Variants in FSD1L observed in about 807,000 individuals in gnomAD.
FSD1L encodes the protein FSD1-like protein.
FSD1L carries 45 observed loss-of-function variants against 71.6 expected under a neutral mutation model. That is an observed-to-expected ratio of 0.63 (90% confidence interval 0.49 to 0.81). FSD1L has a LOEUF of 0.81. Among genes scored for constraint, FSD1L ranks in the 30% least tolerant of loss-of-function variants. FSD1L has a pLI of 0.00. For missense variants in FSD1L, 561 were observed against 618.1 expected, an observed-to-expected ratio of 0.91 and a Z score of 0.98; for synonymous variants, 197 against 207.2, an observed-to-expected ratio of 0.95 and a Z score of 0.42.
In FSD1L at chr9:105,549,812, A is replaced by G. The variant is rs941496526; in HGVS notation, c.*3329A>G. 1 of 151,996 alleles carries G rather than the reference A, an allele frequency of 6.6e-6. No homozygotes were observed. The allele number at this position is 151,996 out of a possible 1,614,324, so 9.4% of individuals were successfully genotyped here. ...AACTTATGTAGAATGATTTTTATCTATATACTTTGTCCATAAAATTATAAT... is the reference window on the plus strand; with the variant it reads ...AACTTATGTAGAATGATTTTTATCTGTATACTTTGTCCATAAAATTATAAT... On this transcript the variant is annotated 3_prime_UTR_variant, in exon 14 of 14. Coordinates refer to ENST00000481272, the MANE Select transcript of FSD1L (RefSeq NM_001145313.3).
rs569502199 is a variant in FSD1L at position 105,540,605 on chromosome 9, C to G, written c.1467+1254C>G. Among the ~76,000 whole-genome samples, 373 of 152,218 alleles carry G rather than the reference C, an allele frequency of 2.5e-3. 1 individual carries two copies. Among genetic ancestry groups the G allele is most frequent in the African/African-American group, 8.7e-3 (360 of 41,552 alleles). ...GATGTGTTTGGTATGAAGTAAGGAT[C>G]TAGATACGTTCTTTAATTCCCCATG... On this transcript the variant is annotated intron_variant, in intron 13 of 13. Transcript: ENST00000481272.
At chr9:105,520,207 G>A in intron 10 of FSD1L, 3 of 1,611,156 alleles carry the variant, frequency 1.9e-6, no homozygotes, top group South Asian at 1.1e-5. Context: ...GCACTGACTC[G>A]CCTCAAGCAC....
chr9:105,456,991 A>G (rs1282825722), intron 1 of FSD1L, among the ~76,000 whole-genome samples: 1 of 152,178 alleles, frequency 6.6e-6, no homozygotes, highest in Non-Finnish European at 1.5e-5. Context: ...AAAATCTGAG[A>G]CCTTCGTAGG....
At chr9:105,531,067 T>G (rs927982919) in intron 10 of FSD1L, 1 of 152,468 alleles carries the variant, frequency 6.6e-6, no homozygotes, top group Admixed American at 6.5e-5. Context: ...ATCACCCTTT[T>G]AATCCCTACT....
intron 3 of FSD1L, among the ~76,000 whole-genome samples, chr9:105,465,263 G>A (rs1830981472): frequency 6.6e-6 from 1 of 152,194 alleles, no homozygotes; most frequent in Non-Finnish European, 1.5e-5. Context: ...TGAATCCACA[G>A]TGAAGTCTCC....
intron 10 of FSD1L, chr9:105,521,251 C>T (rs1835133855): frequency 6.2e-7 from 1 of 1,614,138 alleles, no homozygotes; most frequent in Admixed American, 1.7e-5. Context: ...GAAGTCTTGC[C>T]AAAGAATATT....
intron 7 of FSD1L, among the ~76,000 whole-genome samples, chr9:105,495,081 C>T (rs967280841): frequency 7.9e-5 from 12 of 152,174 alleles, no homozygotes; most frequent in East Asian, 5.8e-4. Flanking sequence ...TCTTTTTGTT[C>T]GTCTGTGCCC....
intron 5 of FSD1L, chr9:105,472,622 C>T (rs1297291222): frequency 2.0e-5 from 3 of 152,016 alleles, no homozygotes; most frequent in African/African-American, 7.2e-5. Context: ...GTGTAGTTAT[C>T]AAGATAAAAT....
Position 105,481,084 on chromosome 9 carries a change from C to A in FSD1L, c.464+1708C>A, listed in dbSNP as rs184143722. The stretch of plus-strand genomic sequence containing the variant: ...TTTTTTGCGTCTTCTAAGCCAGCCT[C>A]TTGGCTTGATTTCATAAGTATCCAG... On this transcript the variant is annotated intron_variant, in intron 6 of 13. Coordinates refer to ENST00000481272, the MANE Select transcript of FSD1L (RefSeq NM_001145313.3). Among the ~76,000 whole-genome samples, 413 of 145,332 alleles carry A rather than the reference C, an allele frequency of 2.8e-3. 1 individual carries two copies. The highest frequency in any genetic ancestry group is 9.9e-3 in the African/African-American group (384 of 38,920).
At chr9:105,480,517 C>CCTAA (rs540732426) in intron 6 of FSD1L, among the ~76,000 whole-genome samples, 39 of 152,290 alleles carry the variant, frequency 2.6e-4, no homozygotes, top group Non-Finnish European at 3.1e-4. Context: ...GTCTGGAATG[C>CCTAA]CTAAGCTCAA....
intron 10 of FSD1L, chr9:105,525,678 T>A: frequency 6.2e-7 from 1 of 1,608,960 alleles, no homozygotes; most frequent in Non-Finnish European, 8.5e-7. Context: ...CACACAAGAT[T>A]GCAGTATTTT....
At chr9:105,461,362 A>G (rs1327736025) in intron 1 of FSD1L, among the ~76,000 whole-genome samples, 158 bp from the exon 2 acceptor site, 2 of 152,222 alleles carry the variant, frequency 1.3e-5, no homozygotes, top group Non-Finnish European at 2.9e-5. Flanking sequence ...CGTACCAAAA[A>G]AAAAGAAAAA....
intron 10 of FSD1L, chr9:105,522,037 A>G (rs992972973): frequency 2.3e-5 from 37 of 1,612,994 alleles, no homozygotes; most frequent in Non-Finnish European, 3.1e-5. Flanking sequence ...TCTGTACTGA[A>G]GATGCCATCA....
chr9:105,548,172 T>C lies in FSD1L; in HGVS notation c.*1689T>C, dbSNP rs1837114361. 6.6e-6 allele frequency: 1 copy of C among 152,240 alleles called. No homozygotes were observed. The highest frequency in any genetic ancestry group is 1.9e-4 in the East Asian group (1 of 5,184). The allele number at this position is 152,240 out of a possible 1,614,324, so 9.4% of individuals were successfully genotyped here. A position where few individuals can be genotyped will look rare whatever the true frequency, so the allele number is the denominator to read the frequency against. On this transcript the variant is annotated 3_prime_UTR_variant, in exon 14 of 14. Coordinates refer to ENST00000481272, the MANE Select transcript of FSD1L (RefSeq NM_001145313.3). The stretch of plus-strand genomic sequence containing the variant: ...CAGTTTAGAGAATGAAGTAAACCAA[T>C]AGATACTCTTTTGATTCTCCAAAGA...
Position 105,468,413 on chromosome 9 carries a change from A to ATAAC in FSD1L, c.339+92_339+95dup. On this transcript the variant is annotated intron_variant, in intron 4 of 13. Coordinates refer to ENST00000481272, the MANE Select transcript of FSD1L (RefSeq NM_001145313.3). ...AGCAAAAATTAATGAATTTCTAAGT[A>ATAAC]TAACTATACCCTTACCTCGTAGAAG... is the stretch of plus-strand genomic sequence containing the variant. The ATAAC allele has an allele frequency of 1.0e-5, 10 of 1,002,416 alleles. No homozygotes were observed. The South Asian group carries it at 1.7e-4, about 17-fold the overall frequency. 62.1% of individuals were successfully genotyped at this position (1,002,416 alleles called of 1,614,324 possible).
chr9:105,530,770 C>A, intron 10 of FSD1L: 1 of 512,634 alleles, frequency 2.0e-6, no homozygotes. Context: ...AGTTGACAAT[C>A]ATTGATTTAT....
rs1837031199 is a variant in FSD1L at position 105,546,786 on chromosome 9, G to A, written c.*303G>A. The A allele has an allele frequency of 5.7e-6, 1 of 176,432 alleles. No individual in the cohort carries two copies. Among genetic ancestry groups the A allele is most frequent in the African/African-American group, 2.4e-5 (1 of 42,264 alleles). The allele number at this position is 176,432 out of a possible 1,614,324, so 10.9% of individuals were successfully genotyped here. A position where few individuals can be genotyped will look rare whatever the true frequency, so the allele number is the denominator to read the frequency against. ...CTTGGATTACTTTGACTATTCTAAT[G>A]TTTAATTACATATGGTAACCCTAAG... On this transcript the variant is annotated 3_prime_UTR_variant, in exon 14 of 14. Coordinates refer to ENST00000481272, the MANE Select transcript of FSD1L (RefSeq NM_001145313.3).
At chr9:105,538,888 G>A (rs2131510127) in intron 12 of FSD1L, among the ~76,000 whole-genome samples, 1 of 152,280 alleles carries the variant, frequency 6.6e-6, no homozygotes, top group Admixed American at 6.5e-5. Flanking sequence ...ACCTTAAATG[G>A]TGATTAGAAT....
Position 105,472,842 on chromosome 9 carries a change from C to T in FSD1L, c.441+837C>T, listed in dbSNP as rs1831561281. 3.3e-5 allele frequency: 5 copies of T among 152,090 alleles called. 1 individual carries two copies. The highest frequency in any genetic ancestry group is 3.3e-4 in the Admixed American group (5 of 15,260). 9.4% of individuals were successfully genotyped at this position (152,090 alleles called of 1,614,324 possible). The stretch of plus-strand genomic sequence containing the variant: ...AAAATTGAACTTTAATTGATTTCTT[C>T]TTTTAAACACATGAATCAAAACAAA... On this transcript the variant is annotated intron_variant, in intron 5 of 13. Coordinates refer to ENST00000481272, the MANE Select transcript of FSD1L (RefSeq NM_001145313.3).
Sources: gnomAD v4.1 joint callset for allele counts (sites outside exome capture counted in the v4.1 genomes callset) on GRCh38, gnomAD v4.1.1 for gene constraint, MANE v1.5 for transcripts, NCBI Gene and HGNC (gene_info 2026-07-23, HGNC 2026-07-21) for gene names.